Variants in NOA1 observed in about 807,000 individuals in gnomAD.
NOA1 encodes nitric oxide-associated protein 1.
In NOA1, 35 loss-of-function variants were observed where a neutral mutation model predicts 58.4. The observed-to-expected ratio is 0.60, with a 90% CI of 0.46 to 0.79. The LOEUF (loss-of-function observed/expected upper bound fraction) is 0.79. Among genes scored for constraint, NOA1 ranks in the 30% least tolerant of loss-of-function variants. The pLI is 0.00. For missense variants in NOA1, 895 were observed against 894.6 expected (o/e 1.00, Z -0.01); for synonymous variants, 397 against 373.4 (o/e 1.06, Z -0.73).
In NOA1 at chr4:56,969,717, G is replaced by A. The variant is rs1445448375; in HGVS notation, c.1516-1202C>T. On this transcript the variant is annotated intron_variant, in intron 3 of 6. Transcript: ENST00000264230. ...TAAAAGCCATTTGCAGGTCAGCCAT[G>A]GTGGCTCATGCCTGTAATCCCAGGA... Among the ~76,000 whole-genome samples the A allele has an allele frequency of 2.6e-5, 4 of 152,226 alleles. No homozygotes were observed. The East Asian group carries it at 7.7e-4, about 29-fold the overall frequency.
rs189378578 is a variant in NOA1, at chr4:56,977,381, G to C, written c.205C>G (p.Gln69Glu). ...TEGFGEGGDMQERFLFPEYIL... is the reference protein window; with the variant it reads ...TEGFGEGGDMEERFLFPEYIL... Reference sequence around the variant, plus strand: ...TACTCCGGGAACAGAAAACGCTCCTGCATGTCACCACCTTCTCCAAAGCCC... The same window carrying C: ...TACTCCGGGAACAGAAAACGCTCCTCCATGTCACCACCTTCTCCAAAGCCC... The change falls in exon 1 of 7, where the codon CAG becomes GAG. Residue 69 changes from glutamine to glutamate, a missense_variant. Gln to Glu is a conservative substitution (Grantham distance 29). Transcript: ENST00000264230. 2 of 1,614,192 alleles carry C rather than the reference G, an allele frequency of 1.2e-6. No individual in the cohort carries two copies. The highest frequency in any genetic ancestry group is 8.5e-7 in the Non-Finnish European group (1 of 1,180,026).
intron 1 of NOA1, among the ~76,000 whole-genome samples, chr4:56,975,361 T>G (rs1249277709): frequency 6.6e-6 from 1 of 150,938 alleles, no homozygotes; most frequent in Non-Finnish European, 1.5e-5. Context: ...CTGGGAGCAG[T>G]GGCTCACACC....
rs1170800785 is a variant in NOA1 at position 56,976,821 on chromosome 4, C to G, written c.765G>C (p.Gln255His). The change falls in exon 1 of 7, where the codon CAG becomes CAC. Residue 255 changes from glutamine to histidine, a missense_variant. By Grantham distance (24) the Gln-to-His change is conservative. Coordinates refer to ENST00000264230, the MANE Select transcript of NOA1 (RefSeq NM_032313.4). Reference protein sequence around the residue: ...VLGNKVDLLPQDAPGYRQRLR... With the variant: ...VLGNKVDLLPHDAPGYRQRLR... ...GCCTCTGCCGGTAGCCAGGAGCATC[C>G]TGGGGCAGGAGGTCCACTTTGTTTC... is the stretch of plus-strand genomic sequence containing the variant. 1 of 1,612,234 alleles carries G rather than the reference C, an allele frequency of 6.2e-7. No homozygotes were observed. Among genetic ancestry groups the G allele is most frequent in the Admixed American group, 1.7e-5 (1 of 59,980 alleles).
At position 56,976,771 on chromosome 4, in the gene NOA1, C is replaced by A; in HGVS notation, c.815G>T (p.Cys272Phe). ...GGCCAGCAGGAGCCCGGCGCGGGCA[C>A]AGTCCTCCCACAGTCGCTCCCGCAG... ...QRLRERLWED[C>F]ARAGLLLAPG... is the part of the protein sequence containing the mutation. Residue 272 changes from cysteine (C) to phenylalanine (F), a missense_variant, in exon 1 of 7, where the codon TGT (cysteine) becomes TTT (phenylalanine). By Grantham distance (205) the Cys-to-Phe change is radical. Transcript: ENST00000264230. 6.2e-7 allele frequency: 1 copy of A among 1,609,376 alleles called. No individual in the cohort carries two copies.
chr4:56,967,847 T>A (rs1352996066), intron 4 of NOA1, among the ~76,000 whole-genome samples: 1 of 152,006 alleles, frequency 6.6e-6, no homozygotes, highest in Non-Finnish European at 1.5e-5. Context: ...GGGTACTCAA[T>A]TGAAAACGTA....
Position 56,977,040 on chromosome 4 carries a change from G to A in NOA1, c.546C>T (p.Cys182=). The A allele has an allele frequency of 6.3e-7, 1 of 1,584,968 alleles. No homozygotes were observed. Among genetic ancestry groups the A allele is most frequent in the Non-Finnish European group, 8.5e-7 (1 of 1,170,732 alleles). The part of the protein sequence containing the change: ...GGLARTVCQR[C]WLLSHHRRAL... ...CGCGCCGGTGGTGCGACAGCAGCCA[G>A]CAGCGCTGGCACACGGTCCGTGCCA... is the stretch of plus-strand genomic sequence containing the variant. The change falls in exon 1 of 7, where the codon TGC becomes TGT. Residue 182 remains cysteine, a synonymous_variant. Transcript: ENST00000264230.
At chr4:56,967,284 G>A (rs916803934) in intron 4 of NOA1, among the ~76,000 whole-genome samples, 1 of 151,818 alleles carries the variant, frequency 6.6e-6, no homozygotes, top group Non-Finnish European at 1.5e-5. Flanking sequence ...CGGGGCTGGG[G>A]TGGGATGATC....
At chr4:56,965,693 G>GGTGTGT (rs10548713) in intron 5 of NOA1, among the ~76,000 whole-genome samples, 4,407 of 149,098 alleles carry the variant, frequency 0.03, 86 homozygotes, top group Non-Finnish European at 0.029. Flanking sequence ...TCCAAAGTAT[G>GGTGTGT]GTGTGTGTGT....
Position 56,971,228 on chromosome 4 carries a change from G to A in NOA1, c.1515+1920C>T, listed in dbSNP as rs181466077. Among the ~76,000 whole-genome samples, 361 of 146,328 alleles carry A rather than the reference G, an allele frequency of 2.5e-3. 1 individual carries two copies. Among genetic ancestry groups the A allele is most frequent in the Admixed American group, 5.0e-3 (69 of 13,814 alleles). ...CTCGAGAGGCTGAGGCAGGACAATC[G>A]CTTGAACCCAGGCGGCAGAGGTTGC... is the stretch of plus-strand genomic sequence containing the variant. On this transcript the variant is annotated intron_variant, in intron 3 of 6. Transcript: ENST00000264230.
rs558381614 is a variant in NOA1, at chr4:56,976,359, A to T, written c.1144+83T>A. 2.6e-4 allele frequency: 317 copies of T among 1,233,210 alleles called. 3 individuals carry two copies. The South Asian group carries it at 4.1e-3, about 16-fold the overall frequency. 76.4% of individuals were successfully genotyped at this position (1,233,210 alleles called of 1,614,324 possible). A position where few individuals can be genotyped will look rare whatever the true frequency, so the allele number is the denominator to read the frequency against. ...TACAGGCAGCCCGCAGTGGACATTA[A>T]GGGAGGATGTACTCGGTGCCTCGGC... On this transcript the variant is annotated intron_variant, in intron 1 of 6. Transcript: ENST00000264230.
chr4:56,971,897 T>C (rs781664), intron 3 of NOA1, among the ~76,000 whole-genome samples: 48 of 151,738 alleles, frequency 3.2e-4, no homozygotes, highest in Non-Finnish European at 6.3e-4. Flanking sequence ...ATTCTTTTTT[T>C]TTTTTTTTTG....
chr4:56,977,549 G>A lies in NOA1; in HGVS notation c.37C>T (p.Leu13Phe), dbSNP rs1384776117. 2.5e-6 allele frequency: 4 copies of A among 1,609,362 alleles called. No homozygotes were observed. Among genetic ancestry groups the A allele is most frequent in the African/African-American group, 2.7e-5 (2 of 74,924 alleles). ...GTGGGAGCGGATCCACGAAGGAAAA[G>A]GCTCAGCAGCCTGAACGGTAGGCGA... is the stretch of plus-strand genomic sequence containing the variant. Reference protein sequence around the residue: ...PARLPFRLLSLFLRGSAPTAA... With the variant: ...PARLPFRLLSFFLRGSAPTAA... The change falls in exon 1 of 7, where the codon CTT becomes TTT. Residue 13 changes from leucine to phenylalanine, a missense_variant. Transcript: ENST00000264230.
chr4:56,963,855 G>A lies in NOA1; in HGVS notation c.1886-194C>T, dbSNP rs1393037592. On this transcript the variant is annotated intron_variant, in intron 6 of 6. Coordinates refer to ENST00000264230, the MANE Select transcript of NOA1 (RefSeq NM_032313.4). ...CTCAAGTTCCTGGGCTCAAGCGATC[G>A]TACTGCCTCGGCGTCCCGAGAAGCT... Among the ~76,000 whole-genome samples, 7 of 151,944 alleles carry A rather than the reference G, an allele frequency of 4.6e-5. No individual in the cohort carries two copies. In the East Asian group the frequency reaches 9.7e-4, roughly 21 times the overall value.
chr4:56,976,724 G>A lies in NOA1; in HGVS notation c.862C>T (p.Arg288Cys). The A allele has an allele frequency of 6.2e-7, 1 of 1,612,234 alleles. No individual in the cohort carries two copies. Among genetic ancestry groups the A allele is most frequent in the African/African-American group, 1.3e-5 (1 of 75,042 alleles). The change falls in exon 1 of 7, where the codon CGC (arginine) becomes TGC (cysteine). Residue 288 changes from arginine to cysteine, a missense_variant. By Grantham distance (180) the Arg-to-Cys change is radical. This residue lies in a region of NOA1 where 680 missense variants were observed against 656.5 expected (regional missense o/e 1.04). Transcript: ENST00000264230. ...TCCTGTGGCTCGTCCTTGACGGGGCGCTGTGGCCCTTGGTGGCCAGGGGCC... is the reference window on the plus strand; with the variant it reads ...TCCTGTGGCTCGTCCTTGACGGGGCACTGTGGCCCTTGGTGGCCAGGGGCC... ...LLAPGHQGPQ[R>C]PVKDEPQDGE...
rs763872294 is a variant in NOA1 at position 56,977,580 on chromosome 4, C to G, written c.6G>C (p.Leu2=). The G allele has an allele frequency of 2.5e-6, 4 of 1,581,384 alleles. No homozygotes were observed. The East Asian group carries it at 6.9e-5, about 27-fold the overall frequency. The change falls in exon 1 of 7, where the codon CTG becomes CTC. Residue 2 remains leucine (L), a synonymous_variant. Transcript: ENST00000264230. ...GCAGCCTGAACGGTAGGCGAGCGGG[C>G]AGCATGAGGAAGTAGCTCCAAAGGG... M[L]PARLPFRLLS...
chr4:56,968,280 T>C (rs548811741), intron 4 of NOA1, 104 bp downstream of exon 4: 1 of 1,205,270 alleles, frequency 8.3e-7, no homozygotes, highest in African/African-American at 1.6e-5. Flanking sequence ...AATACAATCA[T>C]GGCTTAGTTA....
intron 5 of NOA1, among the ~76,000 whole-genome samples, chr4:56,965,558 C>G (rs1578536670): frequency 1.3e-5 from 2 of 151,994 alleles, no homozygotes; most frequent in Admixed American, 6.6e-5. Context: ...CAAAAACAAG[C>G]AATATATGAG....
Position 56,966,661 on chromosome 4 carries a change from C to A in NOA1, c.1723G>T (p.Asp575Tyr). 6.2e-7 allele frequency: 1 copy of A among 1,613,374 alleles called. No individual in the cohort carries two copies. Among genetic ancestry groups the A allele is most frequent in the Non-Finnish European group, 8.5e-7 (1 of 1,179,282 alleles). The stretch of plus-strand genomic sequence containing the variant: ...CCTGCATGCTTCTGATACAGAGCGT[C>A]TGCCCTGTCCAAGGAGGTGATATGC... Reference protein sequence around the residue: ...PVHITSLDRADALYQKHAGHT... With the variant: ...PVHITSLDRAYALYQKHAGHT... The change falls in exon 5 of 7, where the codon GAC becomes TAC. Residue 575 changes from aspartate to tyrosine, a missense_variant. This residue lies in a region of NOA1 where 212 missense variants were observed against 221.3 expected (regional missense o/e 0.96). Transcript: ENST00000264230.
rs1442034500 is a variant in NOA1 at position 56,977,544 on chromosome 4, G to C, written c.42C>G (p.Phe14Leu). The C allele has an allele frequency of 2.5e-6, 4 of 1,611,088 alleles. No individual in the cohort carries two copies. Among genetic ancestry groups the C allele is most frequent in the Non-Finnish European group, 2.5e-6 (3 of 1,178,986 alleles). The change falls in exon 1 of 7, where the codon TTC becomes TTG. Residue 14 changes from phenylalanine (F) to leucine (L), a missense_variant. Phe to Leu is a conservative substitution (Grantham distance 22, BLOSUM62 0). Transcript: ENST00000264230. ...ARLPFRLLSL[F>L]LRGSAPTAAR... is the part of the protein sequence containing the mutation. ...CTGCCGTGGGAGCGGATCCACGAAG[G>C]AAAAGGCTCAGCAGCCTGAACGGTA...
Sources: gnomAD v4.1 joint callset for allele counts (sites outside exome capture counted in the v4.1 genomes callset) on GRCh38, gnomAD v4.1.1 for gene constraint, gnomAD v4.1.1 regional missense constraint, MANE v1.5 for transcripts, NCBI Gene and HGNC (gene_info 2026-07-23, HGNC 2026-07-21) for gene names.